TMEM65: variants seen among roughly 807,000 people sequenced by gnomAD.
TMEM65 encodes the protein transmembrane protein 65.
Under a neutral mutation model 25.4 loss-of-function variants are expected in TMEM65, and 22 were observed. The observed-to-expected ratio is 0.86, with a 90% CI of 0.62 to 1.23. TMEM65 has a LOEUF of 1.23. Ranked by LOEUF, TMEM65 falls within the 50% of genes most tolerant of loss-of-function variation. TMEM65 has a pLI of 0.00. For synonymous variants in TMEM65, 132 were observed against 126.2 expected, an observed-to-expected ratio of 1.05 and a Z score of -0.31; for missense variants, 262 against 308.2, an observed-to-expected ratio of 0.85 and a Z score of 1.12.
chr8:124,366,837 A>G (rs1191161716), intron 1 of TMEM65, among the ~76,000 whole-genome samples: 2 of 152,208 alleles, frequency 1.3e-5, no homozygotes, highest in Non-Finnish European at 2.9e-5. Flanking sequence ...TTGCTGAAAT[A>G]TACTACTGTA....
At chr8:124,333,470 C>CGTGTGTGT (rs10660640) in intron 1 of TMEM65, among the ~76,000 whole-genome samples, 143 of 149,238 alleles carry the variant, frequency 9.6e-4, no homozygotes, top group East Asian at 8.5e-3. Context: ...TGTGTGTGTG[C>CGTGTGTGT]GTGTGTGTGT....
chr8:124,322,110 T>A lies in TMEM65; in HGVS notation c.510A>T (p.Gly170=), dbSNP rs1287740734. 6.2e-7 allele frequency: 1 copy of A among 1,606,904 alleles called. No individual in the cohort carries two copies. The highest frequency in any genetic ancestry group is 1.7e-5 in the Admixed American group (1 of 59,614). ...GAATAAGTGAATGAACCTACCCAAG[T>A]CCAGCTAGATCTGACACAAGATTTC... ...ALGNLVSDLA[G]LGLAGYVEAL... The change falls in exon 5 of 7, where the codon GGA becomes GGT. Residue 170 remains glycine (G), a synonymous_variant. Transcript: ENST00000297632.
At position 124,332,013 on chromosome 8, in the gene TMEM65, A is replaced by G. The variant is rs147917665; in HGVS notation, c.305-1221T>C. Among the ~76,000 whole-genome samples the G allele has an allele frequency of 9.7e-3, 1,451 of 149,810 alleles. 20 individuals carry two copies. The highest frequency in any genetic ancestry group is 0.033 in the African/African-American group (1,341 of 40,604). On this transcript the variant is annotated intron_variant, in intron 1 of 6. Transcript: ENST00000297632. ...TAATTAACTTTCATAGTATTTAGAA[A>G]GTTCTAAGAAGCAAACTTAAGCTTT... is the stretch of plus-strand genomic sequence containing the variant.
Position 124,313,920 on chromosome 8 carries a change from G to T in TMEM65, c.*40C>A. On this transcript the variant is annotated 3_prime_UTR_variant, in exon 7 of 7. Transcript: ENST00000297632. ...TGTGACAGCATATTTAATTACTGAGGTACATTAGTTTACATCTTTTTATAG... is the reference window on the plus strand; with the variant it reads ...TGTGACAGCATATTTAATTACTGAGTTACATTAGTTTACATCTTTTTATAG... 7.5e-7 allele frequency: 1 copy of T among 1,335,502 alleles called. No individual in the cohort carries two copies. The highest frequency in any genetic ancestry group is 1.1e-6 in the Non-Finnish European group (1 of 935,122). The allele number at this position is 1,335,502 out of a possible 1,614,324, so 82.7% of individuals were successfully genotyped here.
rs1042420288 is a variant in TMEM65, at chr8:124,312,212, T to C, written c.*1748A>G. On this transcript the variant is annotated 3_prime_UTR_variant, in exon 7 of 7. Transcript: ENST00000297632. Reference sequence around the variant, plus strand: ...TGTGGTTATCTGTGTGTGGTTATTATATGGAAGATACAAACCGAAATTCTA... The same window carrying C: ...TGTGGTTATCTGTGTGTGGTTATTACATGGAAGATACAAACCGAAATTCTA... The C allele has an allele frequency of 3.3e-5, 5 of 151,744 alleles. No individual in the cohort carries two copies. Among genetic ancestry groups the C allele is most frequent in the African/African-American group, 1.2e-4 (5 of 41,352 alleles). The allele number at this position is 151,744 out of a possible 1,614,324, so 9.4% of individuals were successfully genotyped here.
At chr8:124,361,313 T>C (rs1814856453) in intron 1 of TMEM65, among the ~76,000 whole-genome samples, 1 of 151,620 alleles carries the variant, frequency 6.6e-6, no homozygotes, top group Admixed American at 6.6e-5. Context: ...TGGGCGCCTG[T>C]AATCCCAGCT....
At chr8:124,331,589 TAAC>T (rs951920738) in intron 1 of TMEM65, among the ~76,000 whole-genome samples, 1 of 151,500 alleles carries the variant, frequency 6.6e-6, no homozygotes, top group Non-Finnish European at 1.5e-5. Context: ...ACCTAAAAAT[TAAC>T]AATTATTACA....
intron 2 of TMEM65, among the ~76,000 whole-genome samples, chr8:124,327,719 C>T (rs2131201626): frequency 6.6e-6 from 1 of 151,162 alleles, no homozygotes; most frequent in South Asian, 2.1e-4. Context: ...TATATACATA[C>T]AATTAACAGA....
intron 1 of TMEM65, among the ~76,000 whole-genome samples, chr8:124,335,518 T>G (rs535348377): frequency 6.6e-6 from 1 of 152,284 alleles, no homozygotes; most frequent in South Asian, 2.1e-4. Flanking sequence ...ATTGTAACAC[T>G]GTCTTATAGT....
Position 124,372,396 on chromosome 8 carries a change from T to G in TMEM65, c.-239A>C. 5.3e-6 allele frequency: 1 copy of G among 188,710 alleles called. No individual in the cohort carries two copies. The highest frequency in any genetic ancestry group is 1.0e-5 in the Non-Finnish European group (1 of 96,282). 11.7% of individuals were successfully genotyped at this position (188,710 alleles called of 1,614,324 possible). A position where few individuals can be genotyped will look rare whatever the true frequency, so the allele number is the denominator to read the frequency against. ...CCCCTCCGATGGGAAAAACTTTCTC[T>G]GAGACGGCCGGGCCCGGACAGCGCC... On this transcript the variant is annotated 5_prime_UTR_variant, in exon 1 of 7. Transcript: ENST00000297632.
chr8:124,361,267 CT>C (rs1814855724), intron 1 of TMEM65, among the ~76,000 whole-genome samples: 1 of 151,176 alleles, frequency 6.6e-6, no homozygotes, highest in Non-Finnish European at 1.5e-5. Context: ...GACCCTGTCT[CT>C]ACTAAAAATA....
intron 1 of TMEM65, among the ~76,000 whole-genome samples, chr8:124,366,331 A>G (rs1266128659): frequency 6.6e-6 from 1 of 152,222 alleles, no homozygotes; most frequent in Non-Finnish European, 1.5e-5. Context: ...TAACATTGTC[A>G]TGCTGGTGAG....
chr8:124,344,967 G>A (rs926815303), intron 1 of TMEM65, among the ~76,000 whole-genome samples: 1 of 152,174 alleles, frequency 6.6e-6, no homozygotes, highest in African/African-American at 2.4e-5. Flanking sequence ...ACAAAGAATG[G>A]TGTCAATGCC....
At chr8:124,321,607 T>A (rs1330323003) in intron 5 of TMEM65, among the ~76,000 whole-genome samples, 1 of 151,950 alleles carries the variant, frequency 6.6e-6, no homozygotes, top group Non-Finnish European at 1.5e-5. Context: ...CTTTGAAAGT[T>A]CCCCCCTCTA....
intron 1 of TMEM65, among the ~76,000 whole-genome samples, chr8:124,353,890 A>T (rs191540659): frequency 2.1e-4 from 32 of 152,352 alleles, no homozygotes; most frequent in Admixed American, 1.6e-3. Context: ...ACTTCACAAA[A>T]GACTTATAAA....
At chr8:124,361,718 C>T (rs1192085923) in intron 1 of TMEM65, among the ~76,000 whole-genome samples, 1 of 151,416 alleles carries the variant, frequency 6.6e-6, no homozygotes, top group Admixed American at 6.6e-5. Context: ...CACCTGTAAT[C>T]CCAGCTACTC....
intron 1 of TMEM65, among the ~76,000 whole-genome samples, chr8:124,354,015 G>C (rs1814744945): frequency 6.6e-6 from 1 of 152,064 alleles, no homozygotes; most frequent in Non-Finnish European, 1.5e-5. Flanking sequence ...CCAAATGATA[G>C]GATGAAAAAG....
chr8:124,330,929 G>A, intron 1 of TMEM65, 137 bp from the exon 2 acceptor site: 1 of 807,206 alleles, frequency 1.2e-6, no homozygotes, highest in Non-Finnish European at 2.0e-6. Flanking sequence ...TTTAGGTTAA[G>A]GGACCACATT....
Position 124,362,320 on chromosome 8 carries a change from G to A in TMEM65, c.304+9534C>T, listed in dbSNP as rs189800847. On this transcript the variant is annotated intron_variant, in intron 1 of 6. Coordinates refer to ENST00000297632, the MANE Select transcript of TMEM65 (RefSeq NM_194291.3). ...TTCAAAATGAAGGAATTTTTTAAAA[G>A]ATACAGATAAAACTAAATTAATATA... Among the ~76,000 whole-genome samples, 338 of 152,094 alleles carry A rather than the reference G, an allele frequency of 2.2e-3. No individual in the cohort carries two copies. The Middle Eastern group carries it at 0.024, about 11-fold the overall frequency.
Sources: gnomAD v4.1 joint callset for allele counts (sites outside exome capture counted in the v4.1 genomes callset) on GRCh38, gnomAD v4.1.1 for gene constraint, MANE v1.5 for transcripts, NCBI Gene and HGNC (gene_info 2026-07-23, HGNC 2026-07-21) for gene names.